Variants in SNRPA1 observed in about 807,000 individuals in gnomAD.
SNRPA1 encodes small nuclear ribonucleoprotein polypeptide A'.
SNRPA1 carries 5 observed loss-of-function variants against 32.3 expected under a neutral mutation model. That is an observed-to-expected ratio of 0.15 (90% CI 0.08 to 0.33). The LOEUF (loss-of-function observed/expected upper bound fraction) is 0.33. Ranked by LOEUF, SNRPA1 falls within the 10% of genes least tolerant of loss-of-function variation. SNRPA1 has a pLI of 1.00. For missense variants in SNRPA1, 198 were observed against 311.1 expected (o/e 0.64, Z 2.74); for synonymous variants, 111 against 120.1 (o/e 0.92, Z 0.50).
At chr15:101,294,960 T>C (rs1279880892) in intron 1 of SNRPA1, 137 bp downstream of exon 1, 1 of 520,682 alleles carries the variant, frequency 1.9e-6, no homozygotes, top group Non-Finnish European at 3.3e-6. Flanking sequence ...AGGCCCGGCG[T>C]TCCCTGCGCA....
rs532659691 is a variant in SNRPA1 at position 101,281,720 on chromosome 15, C to G, written c.*4G>C. On this transcript the variant is annotated 3_prime_UTR_variant, in exon 9 of 9. Coordinates refer to ENST00000254193, the MANE Select transcript of SNRPA1 (RefSeq NM_003090.4). ...GGCCTATTATTATACATCTGCCTCA[C>G]TGCTCAGGACCCGTTTGTGACTGTG... is the stretch of plus-strand genomic sequence containing the variant. 6.2e-7 allele frequency: 1 copy of G among 1,610,144 alleles called. No individual in the cohort carries two copies. Among genetic ancestry groups the G allele is most frequent in the East Asian group, 2.2e-5 (1 of 44,864 alleles).
Position 101,291,975 on chromosome 15 carries a change from C to T in SNRPA1, c.296G>A (p.Ser99Asn), listed in dbSNP as rs142731245. The change falls in exon 3 of 9, where the codon AGT becomes AAT. Residue 99 changes from serine (S) to asparagine (N), a missense_variant. Ser to Asn is a conservative substitution (Grantham distance 46). Around this residue, in one of 3 missense-constraint regions of SNRPA1, gnomAD observed 119 missense variants for 171.6 expected, o/e 0.69. Transcript: ENST00000254193. ...CLTELILTNNSLVELGDLDPL... is the reference protein window; with the variant it reads ...CLTELILTNNNLVELGDLDPL... ...TGTGCAACTTACCAGTTCCACGAGACTATTATTGGTGAGAATGAGTTCTGT... is the reference window on the plus strand; with the variant it reads ...TGTGCAACTTACCAGTTCCACGAGATTATTATTGGTGAGAATGAGTTCTGT... 2.0e-4 allele frequency: 317 copies of T among 1,610,788 alleles called. No individual in the cohort carries two copies. The African/African-American group carries it at 3.8e-3, about 19-fold the overall frequency.
At chr15:101,293,234 G>C (rs747321552) in intron 1 of SNRPA1, 62 bp from the exon 2 acceptor site, 6 of 1,159,482 alleles carry the variant, frequency 5.2e-6, no homozygotes, top group Non-Finnish European at 7.4e-6. Flanking sequence ...GCCCCTTAAA[G>C]CATTAGCTGT....
intron 4 of SNRPA1, 130 bp downstream of exon 4, chr15:101,287,526 A>G: frequency 2.8e-6 from 2 of 711,760 alleles, no homozygotes; most frequent in Non-Finnish European, 4.9e-6. Context: ...ATCCTTTTTT[A>G]TGGCTGCATA....
intron 6 of SNRPA1, 115 bp downstream of exon 6, chr15:101,286,099 A>T (rs2039451528): frequency 7.2e-6 from 6 of 834,994 alleles, no homozygotes; most frequent in Non-Finnish European, 1.2e-5. Context: ...CTCAAATTTA[A>T]TACCACATTA....
intron 6 of SNRPA1, 27 bp downstream of exon 6, chr15:101,286,186 AG>A: frequency 1.3e-6 from 2 of 1,573,370 alleles, no homozygotes; most frequent in South Asian, 2.2e-5. Flanking sequence ...AAGGTGAAGT[AG>A]AGTTAAGTTG....
intron 3 of SNRPA1, chr15:101,288,209 A>T (rs184703374): frequency 6.5e-6 from 1 of 154,970 alleles, no homozygotes; most frequent in Admixed American, 6.4e-5. Flanking sequence ...AGTATAGCTT[A>T]AAAATGATCG....
Position 101,295,230 on chromosome 15 carries a change from G to T in SNRPA1, c.-52C>A. On this transcript the variant is annotated 5_prime_UTR_variant, in exon 1 of 9. In the 5' UTR this introduces an upstream ATG that the reference lacks. Coordinates refer to ENST00000254193, the MANE Select transcript of SNRPA1 (RefSeq NM_003090.4). Reference sequence around the variant, plus strand: ...GTGGAAAGCCCGTGGCCTCCCGCCAGCGAGACGTCCCAGCGTGCCCCGCGC... The same window carrying T: ...GTGGAAAGCCCGTGGCCTCCCGCCATCGAGACGTCCCAGCGTGCCCCGCGC... The T allele has an allele frequency of 6.9e-7, 1 of 1,440,234 alleles. No individual in the cohort carries two copies. The highest frequency in any genetic ancestry group is 9.2e-7 in the Non-Finnish European group (1 of 1,083,918). 89.2% of individuals were successfully genotyped at this position (1,440,234 alleles called of 1,614,324 possible).
chr15:101,293,648 T>C lies in SNRPA1; in HGVS notation c.83-476A>G, dbSNP rs556849203. On this transcript the variant is annotated intron_variant, in intron 1 of 8. Coordinates refer to ENST00000254193, the MANE Select transcript of SNRPA1 (RefSeq NM_003090.4). Reference sequence around the variant, plus strand: ...AACCCATCAGAACAGCCTCAACATATCACGACAGTTCTCCCTCCCCTCCCC... The same window carrying C: ...AACCCATCAGAACAGCCTCAACATACCACGACAGTTCTCCCTCCCCTCCCC... 1.9e-3 allele frequency among the ~76,000 whole-genome samples: 286 copies of C among 152,228 alleles called. 1 individual carries two copies. Among genetic ancestry groups the C allele is most frequent in the Non-Finnish European group, 1.9e-3 (128 of 67,996 alleles).
At chr15:101,291,839 A>C (rs2039529784) in intron 3 of SNRPA1, 123 bp downstream of exon 3, 1 of 620,362 alleles carries the variant, frequency 1.6e-6, no homozygotes, top group African/African-American at 1.9e-5. Context: ...CAGATCCTGA[A>C]TTAAGAAAAA....
At chr15:101,287,061 CA>C in intron 4 of SNRPA1, 51 bp from the exon 5 acceptor site, 1 of 942,890 alleles carries the variant, frequency 1.1e-6, no homozygotes, top group Non-Finnish European at 1.7e-6. Flanking sequence ...GCACAGCACT[CA>C]AGAGGTCTGT....
chr15:101,282,716 A>ACATCATGG, intron 8 of SNRPA1, among the ~76,000 whole-genome samples: 1 of 152,358 alleles, frequency 6.6e-6, no homozygotes, highest in South Asian at 2.1e-4. Context: ...CCATGTAATT[A>ACATCATGG]CACATCAAAA....
chr15:101,283,588 C>T (rs932055924), intron 8 of SNRPA1, among the ~76,000 whole-genome samples: 5 of 151,276 alleles, frequency 3.3e-5, no homozygotes, highest in Admixed American at 2.0e-4. Flanking sequence ...ACAACAAAAT[C>T]AGTCTTCACC....
At chr15:101,282,465 G>T (rs1216470421) in intron 8 of SNRPA1, among the ~76,000 whole-genome samples, 4 of 152,224 alleles carry the variant, frequency 2.6e-5, no homozygotes. Flanking sequence ...AAGGGAGGAA[G>T]ATTTTAACAG....
chr15:101,293,589 T>TC (rs1333267521), intron 1 of SNRPA1, among the ~76,000 whole-genome samples: 1 of 152,184 alleles, frequency 6.6e-6, no homozygotes, highest in Admixed American at 6.5e-5. Flanking sequence ...ACGACAGTTC[T>TC]CCACTCTTGC....
chr15:101,282,201 T>C (rs1467717786), intron 8 of SNRPA1, among the ~76,000 whole-genome samples: 1 of 152,260 alleles, frequency 6.6e-6, no homozygotes, highest in Non-Finnish European at 1.5e-5. Flanking sequence ...TAGGGAAATA[T>C]GCCAACAACT....
chr15:101,283,458 C>T (rs369566470), intron 8 of SNRPA1, among the ~76,000 whole-genome samples: 1 of 151,458 alleles, frequency 6.6e-6, no homozygotes, highest in East Asian at 1.9e-4. Flanking sequence ...CCCAGCTACT[C>T]GGGAGGCTGG....
At chr15:101,289,925 C>CAAAAAAAGAAAAAAAAAA (rs2039501269) in intron 3 of SNRPA1, 1 of 70,024 alleles carries the variant, frequency 1.4e-5, no homozygotes, top group Non-Finnish European at 2.7e-5. Context: ...CACTCCATCT[C>CAAAAAAAGAAAAAAAAAA]AAAAAAAAAA....
chr15:101,291,908 A>C, intron 3 of SNRPA1, 54 bp downstream of exon 3: 1 of 1,111,420 alleles, frequency 9.0e-7, no homozygotes, highest in Non-Finnish European at 1.4e-6. Context: ...TGTAGGAAGC[A>C]CATAGTACCT....
Sources: gnomAD v4.1 joint callset for allele counts (sites outside exome capture counted in the v4.1 genomes callset) on GRCh38, gnomAD v4.1.1 for gene constraint, gnomAD v4.1.1 regional missense constraint, MANE v1.5 for transcripts, NCBI Gene and HGNC (gene_info 2026-07-23, HGNC 2026-07-21) for gene names.